The following TLN2 variants were observed in gnomAD, a reference collection of about 807,000 sequenced individuals.
The protein encoded by TLN2 is talin 2.
A neutral mutation model predicts 294.7 loss-of-function variants in TLN2; 118 were observed. The ratio of observed to expected loss-of-function variants is 0.40; its 90% CI spans 0.34 to 0.47. The LOEUF is 0.47. Ranked by LOEUF, TLN2 falls within the 20% of genes least tolerant of loss-of-function variation. TLN2 has a pLI of 0.84. For missense variants in TLN2, 3,083 were observed against 3,282.2 expected, an observed-to-expected ratio of 0.94 and a Z score of 1.48; for synonymous variants, 1,431 against 1,304.5, an observed-to-expected ratio of 1.10 and a Z score of -2.09.
chr15:62,815,443 A>G (rs2067038755), intron 52 of TLN2, among the ~76,000 whole-genome samples: 2 of 152,228 alleles, frequency 1.3e-5, no homozygotes, highest in South Asian at 4.1e-4. Context: ...AGCTGAAGAA[A>G]GGTCAGATAA....
At chr15:62,548,965 T>G (rs2140546841) in intron 1 of TLN2, among the ~76,000 whole-genome samples, 1 of 152,210 alleles carries the variant, frequency 6.6e-6, no homozygotes, top group East Asian at 1.9e-4. Context: ...TGTATCTGTC[T>G]TGGTCCTTGA....
At chr15:62,466,115 C>T (rs113309324) in intron 1 of TLN2, among the ~76,000 whole-genome samples, 4,021 of 152,214 alleles carry the variant, frequency 0.026, 53 homozygotes, top group Non-Finnish European at 0.031. Flanking sequence ...TGAGAGGCAG[C>T]GGCTGCCAGC....
At chr15:62,687,653 C>T (rs889303715) in intron 12 of TLN2, among the ~76,000 whole-genome samples, 2 of 152,110 alleles carry the variant, frequency 1.3e-5, no homozygotes, top group Non-Finnish European at 2.9e-5. Context: ...CTTGAAGTCT[C>T]TAGTGAATGC....
intron 1 of TLN2, among the ~76,000 whole-genome samples, chr15:62,415,965 T>C (rs2140262823): frequency 6.6e-6 from 1 of 152,260 alleles, no homozygotes; most frequent in South Asian, 2.1e-4. Flanking sequence ...TGGGTGGAAG[T>C]TGGGATGATT....
At chr15:62,605,983 A>G (rs183611184) in intron 2 of TLN2, among the ~76,000 whole-genome samples, 26 of 152,376 alleles carry the variant, frequency 1.7e-4, no homozygotes, top group Middle Eastern at 3.4e-3. Context: ...TAGAGGTAGT[A>G]GTGTTACACC....
At chr15:62,700,752 G>A (rs2058666483) in intron 16 of TLN2, among the ~76,000 whole-genome samples, 1 of 152,200 alleles carries the variant, frequency 6.6e-6, no homozygotes, top group Non-Finnish European at 1.5e-5. Context: ...ACAACTATTA[G>A]TGCTAATGTG....
chr15:62,597,967 A>C (rs745537493), intron 2 of TLN2, among the ~76,000 whole-genome samples: 3 of 152,176 alleles, frequency 2.0e-5, no homozygotes, highest in Non-Finnish European at 4.4e-5. Flanking sequence ...AGACTTTGGA[A>C]CATTTCAGGT....
At position 62,434,608 on chromosome 15, in the gene TLN2, A is replaced by G. The variant is rs2035194956; in HGVS notation, c.-238+43923A>G. Among the ~76,000 whole-genome samples, 4 of 152,216 alleles carry G rather than the reference A, an allele frequency of 2.6e-5. No individual in the cohort carries two copies. In the South Asian group the frequency reaches 8.3e-4, roughly 32 times the overall value. On this transcript the variant is annotated intron_variant, in intron 1 of 58. Transcript: ENST00000636159. ...CTAAATTGTCCTCCAAAGAAGTTGTATCATTTTTAATCATTTAACCAACAA... is the reference window on the plus strand; with the variant it reads ...CTAAATTGTCCTCCAAAGAAGTTGTGTCATTTTTAATCATTTAACCAACAA...
chr15:62,799,536 C>A (rs1002104063), intron 48 of TLN2, among the ~76,000 whole-genome samples: 11 of 152,196 alleles, frequency 7.2e-5, no homozygotes, highest in Non-Finnish European at 1.5e-4. Flanking sequence ...TATGTGGGAA[C>A]GTACCTGCAT....
At chr15:62,557,700 C>T (rs1193119537) in intron 1 of TLN2, among the ~76,000 whole-genome samples, 2 of 152,186 alleles carry the variant, frequency 1.3e-5, no homozygotes, top group African/African-American at 4.8e-5. Flanking sequence ...CGCCACCACA[C>T]CCGGCTAATT....
intron 1 of TLN2, among the ~76,000 whole-genome samples, chr15:62,496,971 T>C (rs890968340): frequency 2.0e-5 from 3 of 152,134 alleles, no homozygotes; most frequent in African/African-American, 7.2e-5. Flanking sequence ...TGGTAAGTAG[T>C]CTCCAGTCGT....
intron 1 of TLN2, among the ~76,000 whole-genome samples, chr15:62,570,182 T>G (rs1596175378): frequency 6.6e-6 from 1 of 152,304 alleles, no homozygotes; most frequent in East Asian, 1.9e-4. Context: ...TCCAAAAGTT[T>G]AGGAAGTCTT....
chr15:62,619,561 T>C (rs934719425), intron 3 of TLN2, among the ~76,000 whole-genome samples: 10 of 152,224 alleles, frequency 6.6e-5, no homozygotes, highest in Non-Finnish European at 1.3e-4. Context: ...CCTCAGAATG[T>C]GACCTTATTT....
At position 62,533,228 on chromosome 15, in the gene TLN2, T is replaced by A. The variant is rs1250430842; in HGVS notation, c.-237-56459T>A. On this transcript the variant is annotated intron_variant, in intron 1 of 58. Coordinates refer to ENST00000636159, the MANE Select transcript of TLN2 (RefSeq NM_015059.3). ...GAGATTGTACCATTGCACTCCAGCC[T>A]CGGTGACAGAGTGAGACTCTGTCTC... 4.7e-5 allele frequency among the ~76,000 whole-genome samples: 6 copies of A among 128,464 alleles called. No individual in the cohort carries two copies. In the Admixed American group the frequency reaches 5.9e-4, roughly 13 times the overall value. The allele number at this position is 128,464 out of a possible 152,430, so 84.3% of individuals were successfully genotyped here. A position where few individuals can be genotyped will look rare whatever the true frequency, so the allele number is the denominator to read the frequency against.
intron 38 of TLN2, among the ~76,000 whole-genome samples, 187 bp from the exon 39 acceptor site, chr15:62,762,085 G>A (rs1396040613): frequency 6.6e-6 from 1 of 152,088 alleles, no homozygotes; most frequent in Non-Finnish European, 1.5e-5. Flanking sequence ...GCTATTTAAG[G>A]GGCAAACATG....
intron 1 of TLN2, among the ~76,000 whole-genome samples, chr15:62,517,843 C>G (rs1306420667): frequency 6.6e-6 from 1 of 152,054 alleles, no homozygotes; most frequent in African/African-American, 2.4e-5. Context: ...TTATGGGAGA[C>G]TCTGTAGCCA....
chr15:62,583,921 C>T (rs891651049), intron 1 of TLN2, among the ~76,000 whole-genome samples: 3 of 152,104 alleles, frequency 2.0e-5, no homozygotes, highest in African/African-American at 4.8e-5. Context: ...GTGAAAAGCT[C>T]ATAAAGACAG....
At chr15:62,782,973 TA>T in intron 44 of TLN2, among the ~76,000 whole-genome samples, 1 of 152,164 alleles carries the variant, frequency 6.6e-6, no homozygotes, top group East Asian at 1.9e-4. Flanking sequence ...TGTGAGAATT[TA>T]GAGGTATTTT....
At chr15:62,757,238 T>G (rs1161670594) in intron 37 of TLN2, among the ~76,000 whole-genome samples, 1 of 152,186 alleles carries the variant, frequency 6.6e-6, no homozygotes, top group Non-Finnish European at 1.5e-5. Context: ...CCAGAGCCCC[T>G]GCTTTCAGCC....
Sources: gnomAD v4.1 joint callset for allele counts (sites outside exome capture counted in the v4.1 genomes callset) on GRCh38, gnomAD v4.1.1 for gene constraint, MANE v1.5 for transcripts, NCBI Gene and HGNC (gene_info 2026-07-23, HGNC 2026-07-21) for gene names.